GKAP1: variants seen among roughly 807,000 people sequenced by gnomAD.
GKAP1 encodes the protein G kinase-anchoring protein 1.
In GKAP1, 31 loss-of-function variants were observed where a neutral mutation model predicts 56.7. That is an observed-to-expected ratio of 0.55 (90% confidence interval 0.41 to 0.74). The LOEUF is 0.74. GKAP1 is among the 30% of genes least tolerant of loss of function. The pLI, the probability that GKAP1 is intolerant of heterozygous loss-of-function variation, is 0.00. For missense variants in GKAP1, 364 were observed against 402.3 expected, an observed-to-expected ratio of 0.90 and a Z score of 0.82; for synonymous variants, 151 against 138.6, an observed-to-expected ratio of 1.09 and a Z score of -0.63.
chr9:83,748,241 T>C (rs1943326632), intron 10 of GKAP1, 68 bp downstream of exon 10: 3 of 1,057,384 alleles, frequency 2.8e-6, no homozygotes, highest in South Asian at 2.8e-5. Context: ...AAATCACACA[T>C]TTGAAAAAGT....
intron 2 of GKAP1, among the ~76,000 whole-genome samples, chr9:83,810,317 C>T (rs970470208): frequency 3.9e-5 from 6 of 152,122 alleles, no homozygotes; most frequent in African/African-American, 1.4e-4. Context: ...AGATCAGGAA[C>T]TGAATATTCT....
At chr9:83,779,823 A>G (rs954304202) in intron 7 of GKAP1, among the ~76,000 whole-genome samples, 5 of 151,958 alleles carry the variant, frequency 3.3e-5, no homozygotes, top group African/African-American at 1.2e-4. Context: ...CAATCTCCCA[A>G]CTAAAAGATT....
chr9:83,811,058 CCAAAA>C (rs964838643), intron 2 of GKAP1, among the ~76,000 whole-genome samples: 64 of 152,218 alleles, frequency 4.2e-4, no homozygotes, highest in African/African-American at 1.4e-3. Context: ...CCATCATTGA[CCAAAA>C]CAAAACATAG....
intron 3 of GKAP1, among the ~76,000 whole-genome samples, chr9:83,802,480 T>C (rs1348525655): frequency 2.4e-5 from 3 of 125,924 alleles, no homozygotes; most frequent in African/African-American, 6.4e-5. Context: ...AGACTCCATC[T>C]CAGAAAAAAA....
chr9:83,802,295 A>G (rs961544719), intron 3 of GKAP1, among the ~76,000 whole-genome samples: 5 of 152,086 alleles, frequency 3.3e-5, no homozygotes, highest in Non-Finnish European at 7.4e-5. Flanking sequence ...CCTGGCCAAT[A>G]TTGTGAAACC....
intron 4 of GKAP1, among the ~76,000 whole-genome samples, chr9:83,792,441 G>A (rs1221885728): frequency 6.6e-6 from 1 of 152,176 alleles, no homozygotes; most frequent in African/African-American, 2.4e-5. Flanking sequence ...CAATGTGTCT[G>A]ACTAAGCCAT....
chr9:83,777,734 A>T (rs1406514406), intron 7 of GKAP1, among the ~76,000 whole-genome samples: 1 of 152,192 alleles, frequency 6.6e-6, no homozygotes, highest in Admixed American at 6.5e-5. Flanking sequence ...TGGCCTAAGT[A>T]ATATATTAAA....
intron 7 of GKAP1, 56 bp downstream of exon 7, chr9:83,780,326 A>C: frequency 9.9e-7 from 1 of 1,013,136 alleles, no homozygotes; most frequent in Non-Finnish European, 1.5e-6. Flanking sequence ...TAAGTATTTA[A>C]GTATTATTCT....
intron 4 of GKAP1, among the ~76,000 whole-genome samples, chr9:83,797,031 T>C (rs865901633): frequency 3.9e-5 from 6 of 152,254 alleles, no homozygotes; most frequent in Middle Eastern, 3.4e-3. Context: ...GGCAGAAACT[T>C]TTCTTCCATT....
In GKAP1 at chr9:83,780,399, T is replaced by C; in HGVS notation, c.568A>G (p.Ile190Val). Residue 190 changes from isoleucine (I) to valine (V), a missense_variant, in exon 7 of 13, where the codon ATT becomes GTT. Physicochemically the swap from Ile to Val is conservative, Grantham distance 29 (BLOSUM62 3). Transcript: ENST00000376371. ...SLKDFHSEDH[I>V]SKKTEELSSS... ...AGACTTACCTCAGTCTTTTTACTAATGTGATCTGTAAATGAAAAAGAAACA... is the reference window on the plus strand; with the variant it reads ...AGACTTACCTCAGTCTTTTTACTAACGTGATCTGTAAATGAAAAAGAAACA... The C allele has an allele frequency of 7.2e-7, 1 of 1,385,344 alleles. No homozygotes were observed. Among genetic ancestry groups the C allele is most frequent in the South Asian group, 1.4e-5 (1 of 73,242 alleles). 85.8% of individuals were successfully genotyped at this position (1,385,344 alleles called of 1,614,324 possible).
rs770089965 is a variant in GKAP1 at position 83,741,933 on chromosome 9, A to C, written c.1053+19T>G. ...TGTATTATTTGTGATAAAAACACTTATAAATTATAAAAGCATACCTGGTAT... is the reference window on the plus strand; with the variant it reads ...TGTATTATTTGTGATAAAAACACTTCTAAATTATAAAAGCATACCTGGTAT... On this transcript the variant is annotated intron_variant, in intron 12 of 12. Transcript: ENST00000376371. The C allele has an allele frequency of 2.8e-6, 4 of 1,435,962 alleles. No individual in the cohort carries two copies. The East Asian group carries it at 6.9e-5, about 25-fold the overall frequency. The allele number at this position is 1,435,962 out of a possible 1,614,324, so 89.0% of individuals were successfully genotyped here.
chr9:83,780,424 A>T lies in GKAP1; in HGVS notation c.563-20T>A. The T allele has an allele frequency of 8.0e-7, 1 of 1,252,526 alleles. No homozygotes were observed. The highest frequency in any genetic ancestry group is 1.1e-6 in the Non-Finnish European group (1 of 894,056). 77.6% of individuals were successfully genotyped at this position (1,252,526 alleles called of 1,614,324 possible). On this transcript the variant is annotated intron_variant, in intron 6 of 12. Transcript: ENST00000376371. ...TGTGATCTGTAAATGAAAAAGAAAC[A>T]AAGATGAAACTTTATTGAAGGAATT...
At chr9:83,771,526 ATATG>A (rs1943760376) in intron 7 of GKAP1, among the ~76,000 whole-genome samples, 1 of 152,228 alleles carries the variant, frequency 6.6e-6, no homozygotes. Flanking sequence ...AGTGCTTACT[ATATG>A]AATGACATTA....
intron 5 of GKAP1, 104 bp downstream of exon 5, chr9:83,788,497 G>A: frequency 1.6e-6 from 1 of 610,664 alleles, no homozygotes; most frequent in Non-Finnish European, 2.8e-6. Flanking sequence ...TGAATTTTTG[G>A]ACAAACTTTT....
intron 3 of GKAP1, among the ~76,000 whole-genome samples, chr9:83,803,518 G>A (rs1944369586): frequency 6.6e-6 from 1 of 152,342 alleles, no homozygotes; most frequent in South Asian, 2.1e-4. Flanking sequence ...GCCTCCCGAG[G>A]TGCCGGGATT....
chr9:83,759,497 CTT>C (rs987192533), intron 8 of GKAP1, among the ~76,000 whole-genome samples: 11 of 151,996 alleles, frequency 7.2e-5, no homozygotes, highest in Admixed American at 3.3e-4. Context: ...TATTTGGTGA[CTT>C]ATGTTTTTCA....
rs1196518415 is a variant in GKAP1 at position 83,799,240 on chromosome 9, A to G, written c.305T>C (p.Val102Ala). The G allele has an allele frequency of 1.9e-6, 3 of 1,611,722 alleles. No homozygotes were observed. In the South Asian group the frequency reaches 3.3e-5, roughly 18 times the overall value. Reference protein sequence around the residue: ...AQHDLPLSNPVQKDSREENWQ... With the variant: ...AQHDLPLSNPAQKDSREENWQ... ...ATTTTCTTCTCGTGAATCCTTCTGTACTGGGTTTGACAATGGAAGATCATG... is the reference window on the plus strand; with the variant it reads ...ATTTTCTTCTCGTGAATCCTTCTGTGCTGGGTTTGACAATGGAAGATCATG... Residue 102 changes from valine (V) to alanine (A), a missense_variant, in exon 4 of 13, where the codon GTA becomes GCA. Transcript: ENST00000376371.
At chr9:83,784,961 T>G (rs759058191) in intron 5 of GKAP1, 123 bp from the exon 6 acceptor site, 26 of 633,534 alleles carry the variant, frequency 4.1e-5, no homozygotes, top group Non-Finnish European at 6.0e-5. Context: ...AAACCAAAAT[T>G]TAGGCTAGCC....
intron 4 of GKAP1, among the ~76,000 whole-genome samples, chr9:83,792,295 T>C (rs1944172798): frequency 6.6e-6 from 1 of 152,168 alleles, no homozygotes; most frequent in East Asian, 1.9e-4. Context: ...TAAGATTGCT[T>C]AGTTAGGGCA....
Sources: gnomAD v4.1 joint callset for allele counts (sites outside exome capture counted in the v4.1 genomes callset) on GRCh38, gnomAD v4.1.1 for gene constraint, MANE v1.5 for transcripts, NCBI Gene and HGNC (gene_info 2026-07-23, HGNC 2026-07-21) for gene names.